CIMAP3: variants seen among roughly 807,000 people sequenced by gnomAD.
CIMAP3 encodes the protein ciliary microtubule-associated protein 3.
the CIMAP3 span, among the ~76,000 whole-genome samples, chr1:111,325,414 T>A: frequency 6.6e-6 from 1 of 152,174 alleles, no homozygotes; most frequent in Non-Finnish European, 1.5e-5. Context: ...TACCATCAGA[T>A]GGTAGATGTA....
chr1:111,350,767 A>C, the CIMAP3 span, among the ~76,000 whole-genome samples: 1 of 152,234 alleles, frequency 6.6e-6, no homozygotes, highest in East Asian at 1.9e-4. Flanking sequence ...AATGGGTATT[A>C]AAATAGAATC....
At chr1:111,333,287 C>G in the CIMAP3 span, among the ~76,000 whole-genome samples, 1,202 of 152,262 alleles carry the variant, frequency 7.9e-3, 15 homozygotes, top group African/African-American at 0.027. Flanking sequence ...CACTGCTGGG[C>G]TTGCAACATT....
chr1:111,348,338 C>T, the CIMAP3 span: 1 of 567,262 alleles, frequency 1.8e-6, no homozygotes, highest in African/African-American at 1.9e-5. Flanking sequence ...GGTAGCTGAA[C>T]CACACCCGTA....
At chr1:111,353,011 G>A in the CIMAP3 span, 55 of 152,236 alleles carry the variant, frequency 3.6e-4, no homozygotes, top group African/African-American at 1.3e-3. Flanking sequence ...AAATGAACAC[G>A]AAGACTAAAA....
chr1:111,347,694 C>G, the CIMAP3 span: 5 of 1,605,592 alleles, frequency 3.1e-6, no homozygotes, highest in Non-Finnish European at 4.3e-6. Context: ...TGGCATACGA[C>G]TTATCTAAGA....
chr1:111,329,407 G>A, the CIMAP3 span, among the ~76,000 whole-genome samples: 1 of 151,584 alleles, frequency 6.6e-6, no homozygotes, highest in African/African-American at 2.4e-5. Context: ...CATGGTTGGG[G>A]AAGTTTTCAT....
At chr1:111,336,637 A>G in the CIMAP3 span, among the ~76,000 whole-genome samples, 1 of 152,204 alleles carries the variant, frequency 6.6e-6, no homozygotes, top group Non-Finnish European at 1.5e-5. Flanking sequence ...GTGAGAAGGG[A>G]CGTTTAGAGA....
chr1:111,337,285 T>C, the CIMAP3 span, among the ~76,000 whole-genome samples: 1 of 152,158 alleles, frequency 6.6e-6, no homozygotes, highest in African/African-American at 2.4e-5. Flanking sequence ...AGAAACTGCA[T>C]CAACTAACGT....
At chr1:111,342,616 A>T in the CIMAP3 span, among the ~76,000 whole-genome samples, 1 of 152,168 alleles carries the variant, frequency 6.6e-6, no homozygotes, top group South Asian at 2.1e-4. Flanking sequence ...AGGGCTGGTT[A>T]GGTAATCCTG....
the CIMAP3 span, among the ~76,000 whole-genome samples, chr1:111,350,647 T>C: frequency 6.6e-6 from 1 of 152,220 alleles, no homozygotes; most frequent in African/African-American, 2.4e-5. Context: ...GCTAAGAGCA[T>C]GGATTATGGG....
At chr1:111,332,076 G>A in the CIMAP3 span, among the ~76,000 whole-genome samples, 2 of 152,162 alleles carry the variant, frequency 1.3e-5, no homozygotes, top group Non-Finnish European at 2.9e-5. Context: ...TTCAGGTCAG[G>A]GGCATGTGTG....
At chr1:111,337,701 C>A in the CIMAP3 span, among the ~76,000 whole-genome samples, 1 of 152,130 alleles carries the variant, frequency 6.6e-6, no homozygotes. Flanking sequence ...TAAAGCAAGT[C>A]CTGAGTGACC....
the CIMAP3 span, among the ~76,000 whole-genome samples, chr1:111,351,098 A>C: frequency 1.3e-5 from 2 of 152,068 alleles, no homozygotes; most frequent in Middle Eastern, 3.2e-3. Flanking sequence ...GTAGATGTAC[A>C]TACAAATTTT....
the CIMAP3 span, among the ~76,000 whole-genome samples, chr1:111,350,658 G>A: frequency 1.3e-5 from 2 of 152,160 alleles, no homozygotes; most frequent in Non-Finnish European, 2.9e-5. Context: ...GGATTATGGG[G>A]ACAAAACTGC....
the CIMAP3 span, among the ~76,000 whole-genome samples, chr1:111,326,033 T>C: frequency 1.3e-5 from 2 of 152,244 alleles, no homozygotes; most frequent in South Asian, 4.1e-4. Context: ...TACTGATGCA[T>C]TATATTTTAC....
At chr1:111,329,586 C>T in the CIMAP3 span, among the ~76,000 whole-genome samples, 11 of 131,170 alleles carry the variant, frequency 8.4e-5, no homozygotes, top group African/African-American at 2.5e-4. Flanking sequence ...TGGAGTTTTG[C>T]TCTTGTTGCC....
chr1:111,348,344 C>T, the CIMAP3 span: 1 of 589,506 alleles, frequency 1.7e-6, no homozygotes, highest in Non-Finnish European at 2.8e-6. Flanking sequence ...TGAACCACAC[C>T]CGTATCTCGG....
At chr1:111,329,234 A>T in the CIMAP3 span, among the ~76,000 whole-genome samples, 73,510 of 151,584 alleles carry the variant, frequency 0.48, 18,090 homozygotes, top group Middle Eastern at 0.54. Flanking sequence ...CTCATGGAGT[A>T]CCCTTTGTAG....
chr1:111,326,443 G>A, the CIMAP3 span, among the ~76,000 whole-genome samples: 6 of 151,912 alleles, frequency 3.9e-5, no homozygotes, highest in African/African-American at 7.3e-5. Context: ...TAATGACCTC[G>A]GGTTCTATCC....
Sources: gnomAD v4.1 joint callset for allele counts (sites outside exome capture counted in the v4.1 genomes callset) on GRCh38, gnomAD v4.1.1 for gene constraint, MANE v1.5 for transcripts, NCBI Gene and HGNC (gene_info 2026-07-23, HGNC 2026-07-21) for gene names.